The following HNRNPUL1 variants were observed in gnomAD, a reference collection of about 807,000 sequenced individuals.
HNRNPUL1 encodes the protein heterogeneous nuclear ribonucleoprotein U-like protein 1.
A neutral mutation model predicts 108.5 loss-of-function variants in HNRNPUL1; 14 were observed. That is an observed-to-expected ratio of 0.13 (90% CI 0.09 to 0.20). The LOEUF (loss-of-function observed/expected upper bound fraction) is 0.20. Among genes scored for constraint, HNRNPUL1 ranks in the 10% least tolerant of loss-of-function variants. The pLI is 1.00. For synonymous variants in HNRNPUL1, 422 were observed against 445.2 expected (o/e 0.95, Z 0.66); for missense variants, 804 against 1,168.3 (o/e 0.69, Z 4.55).
chr19:41,265,777 GT>G (rs2034797981), intron 1 of HNRNPUL1, among the ~76,000 whole-genome samples: 1 of 152,062 alleles, frequency 6.6e-6, no homozygotes, highest in Non-Finnish European at 1.5e-5. Flanking sequence ...AACATTCCAA[GT>G]GGATGAAATA....
chr19:41,278,338 G>A (rs1023922527), intron 5 of HNRNPUL1: 1 of 151,988 alleles, frequency 6.6e-6, no homozygotes, highest in Non-Finnish European at 1.5e-5. Context: ...TGGGATTACA[G>A]GCTTGAGCCA....
intron 2 of HNRNPUL1, 126 bp downstream of exon 2, chr19:41,268,471 A>G (rs1040072421): frequency 9.2e-6 from 9 of 977,880 alleles, no homozygotes; most frequent in Non-Finnish European, 1.3e-5. Context: ...TCATCTAAAC[A>G]TTGTCACTCT....
intron 2 of HNRNPUL1, among the ~76,000 whole-genome samples, chr19:41,269,727 C>T (rs2035098547): frequency 6.6e-6 from 1 of 151,956 alleles, no homozygotes; most frequent in Non-Finnish European, 1.5e-5. Flanking sequence ...CACTTGAGCC[C>T]AGGAGTTCAA....
chr19:41,298,686 G>C (rs2037027093), intron 10 of HNRNPUL1: 1 of 152,230 alleles, frequency 6.6e-6, no homozygotes, highest in South Asian at 2.1e-4. Flanking sequence ...TGCCTGAGAA[G>C]CCATCTCTGA....
chr19:41,265,050 A>G, intron 1 of HNRNPUL1: 1 of 1,393,354 alleles, frequency 7.2e-7, no homozygotes, highest in Admixed American at 3.3e-5. Context: ...GGTGGCGGGG[A>G]GGATTCCGTA....
At chr19:41,289,487 T>C (rs915695593) in intron 7 of HNRNPUL1, among the ~76,000 whole-genome samples, 44 of 152,190 alleles carry the variant, frequency 2.9e-4, no homozygotes, top group Non-Finnish European at 1.2e-4. Flanking sequence ...CTCTGAATTA[T>C]GCCAGGCTTC....
Position 41,302,715 on chromosome 19 carries a change from A to G in HNRNPUL1, c.1738A>G (p.Ile580Val). Residue 580 changes from isoleucine to valine, a missense_variant, in exon 12 of 15, where the codon ATT becomes GTT. This residue lies in a region of HNRNPUL1 where 294 missense variants were observed against 388.3 expected (regional missense o/e 0.76). Coordinates refer to ENST00000392006, the MANE Select transcript of HNRNPUL1 (RefSeq NM_007040.6). ...VGDFLDEVLF[I>V]ELQREEADKL... Reference sequence around the variant, plus strand: ...GGACTTCCTGGATGAGGTTCTGTTCATTGAGCTGCAGCGGGAGGAAGCGGA... The same window carrying G: ...GGACTTCCTGGATGAGGTTCTGTTCGTTGAGCTGCAGCGGGAGGAAGCGGA... The G allele has an allele frequency of 1.2e-6, 2 of 1,614,082 alleles. No individual in the cohort carries two copies. Among genetic ancestry groups the G allele is most frequent in the Non-Finnish European group, 1.7e-6 (2 of 1,180,030 alleles).
Position 41,301,565 on chromosome 19 carries a change from A to T in HNRNPUL1, c.1548A>T (p.Arg516=). ...QTNVYGSAQR[R]KMRPFEGFQR... is the part of the protein sequence containing the mutation. ...ATGTTTATGGGTCAGCCCAGAGACGAAAAATGAGACCATTTGAAGGCTTCC... is the reference window on the plus strand; with the variant it reads ...ATGTTTATGGGTCAGCCCAGAGACGTAAAATGAGACCATTTGAAGGCTTCC... The change falls in exon 11 of 15, where the codon CGA becomes CGT. Residue 516 remains arginine, a synonymous_variant. Coordinates refer to ENST00000392006, the MANE Select transcript of HNRNPUL1 (RefSeq NM_007040.6). The T allele has an allele frequency of 6.2e-7, 1 of 1,614,058 alleles. No individual in the cohort carries two copies. Among genetic ancestry groups the T allele is most frequent in the Non-Finnish European group, 8.5e-7 (1 of 1,179,948 alleles).
chr19:41,265,058 G>C (rs946636724), intron 1 of HNRNPUL1: 3 of 1,411,700 alleles, frequency 2.1e-6, no homozygotes, highest in African/African-American at 2.9e-5. Context: ...GGAGGATTCC[G>C]TACCGTAGGG....
chr19:41,296,129 C>T (rs2036880249), intron 10 of HNRNPUL1, among the ~76,000 whole-genome samples: 1 of 152,174 alleles, frequency 6.6e-6, no homozygotes, highest in Admixed American at 6.5e-5. Flanking sequence ...AGTATTCCTC[C>T]CTGTCTTTTT....
At chr19:41,269,986 C>CTT (rs918753762) in intron 2 of HNRNPUL1, among the ~76,000 whole-genome samples, 4 of 145,082 alleles carry the variant, frequency 2.8e-5, no homozygotes, top group Non-Finnish European at 6.1e-5. Flanking sequence ...CCCAGCTACT[C>CTT]TTTTTTTTTT....
At chr19:41,298,350 T>C (rs1196469391) in intron 10 of HNRNPUL1, 1 of 152,230 alleles carries the variant, frequency 6.6e-6, no homozygotes, top group Non-Finnish European at 1.5e-5. Flanking sequence ...AGGGTGGGAC[T>C]GGGAGAAGCA....
chr19:41,291,014 C>G (rs1429476960), intron 7 of HNRNPUL1, among the ~76,000 whole-genome samples: 1 of 152,214 alleles, frequency 6.6e-6, no homozygotes, highest in African/African-American at 2.4e-5. Flanking sequence ...CCATTGCACT[C>G]CAGCCTGGGC....
intron 7 of HNRNPUL1, among the ~76,000 whole-genome samples, chr19:41,283,342 G>A (rs1037705976): frequency 6.6e-6 from 1 of 152,136 alleles, no homozygotes; most frequent in Non-Finnish European, 1.5e-5. Context: ...GTCTCGTGGC[G>A]CGATCTCAAC....
At chr19:41,265,833 A>G (rs994996078) in intron 1 of HNRNPUL1, among the ~76,000 whole-genome samples, 2 of 151,766 alleles carry the variant, frequency 1.3e-5, no homozygotes, top group Non-Finnish European at 2.9e-5. Flanking sequence ...AGGAGTACGT[A>G]TCTGGCTTAG....
At chr19:41,276,131 A>C in intron 4 of HNRNPUL1, 28 bp from the exon 5 acceptor site, 2 of 1,613,730 alleles carry the variant, frequency 1.2e-6, no homozygotes, top group Non-Finnish European at 1.7e-6. Flanking sequence ...TAAAAACATC[A>C]GCCAACTGTG....
At position 41,264,559 on chromosome 19, in the gene HNRNPUL1, G is replaced by A; in HGVS notation, c.56G>A (p.Gly19Asp). ...NELREELQRR[G>D]LDTRGLKAEL... Reference sequence around the variant, plus strand: ...CTTCGCGAGGAGCTGCAGCGCCGCGGCCTGGACACTCGAGGCCTCAAGGCC... The same window carrying A: ...CTTCGCGAGGAGCTGCAGCGCCGCGACCTGGACACTCGAGGCCTCAAGGCC... Residue 19 changes from glycine to aspartate, a missense_variant, in exon 1 of 15, where the codon GGC (glycine) becomes GAC (aspartate). By Grantham distance (94) the Gly-to-Asp change is moderately conservative. Coordinates refer to ENST00000392006, the MANE Select transcript of HNRNPUL1 (RefSeq NM_007040.6). 1 of 1,538,040 alleles carries A rather than the reference G, an allele frequency of 6.5e-7. No homozygotes were observed. The highest frequency in any genetic ancestry group is 2.1e-4 in the Middle Eastern group (1 of 4,690).
At chr19:41,270,031 GGA>G (rs1190815294) in intron 2 of HNRNPUL1, among the ~76,000 whole-genome samples, 1 of 151,790 alleles carries the variant, frequency 6.6e-6, no homozygotes, top group Non-Finnish European at 1.5e-5. Context: ...TCCCCAGGCT[GGA>G]GGGCGATGGC....
chr19:41,265,475 A>C, intron 1 of HNRNPUL1: 4 of 1,197,616 alleles, frequency 3.3e-6, no homozygotes, highest in Non-Finnish European at 4.5e-6. Flanking sequence ...GGGCACCCCC[A>C]TCTCTCTTCC....
Sources: allele counts gnomAD v4.1 joint callset (sites outside exome capture counted in the v4.1 genomes callset), GRCh38; gene constraint gnomAD v4.1.1; regional missense constraint gnomAD v4.1.1; transcripts MANE v1.5; gene names NCBI Gene and HGNC (gene_info 2026-07-23, HGNC 2026-07-21).